Variants in THSD4 observed in about 807,000 individuals in gnomAD.
THSD4 encodes the protein thrombospondin type 1 domain containing 4.
In THSD4, 69 loss-of-function variants were observed where a neutral mutation model predicts 119.0. The observed-to-expected ratio is 0.58, with a 90% CI of 0.48 to 0.71. The LOEUF is 0.71. THSD4 is among the 30% of genes least tolerant of loss of function. The probability of loss-of-function intolerance (pLI) is 0.00; values close to 1 mark genes in which losing one functional copy is unlikely to be tolerated. For synonymous variants in THSD4, 524 were observed against 540.4 expected (o/e 0.97, Z 0.42); for missense variants, 1,393 against 1,391.1 (o/e 1.00, Z -0.02).
intron 3 of THSD4, chr15:71,187,627 G>T (rs1171036041): frequency 6.6e-6 from 1 of 152,636 alleles, no homozygotes; most frequent in African/African-American, 2.4e-5. Context: ...AGCTGACCAT[G>T]AGTAGATATT....
chr15:71,777,483 C>CA lies in THSD4; in HGVS notation c.*111dup. 6.9e-7 allele frequency: 1 copy of CA among 1,446,528 alleles called. No individual in the cohort carries two copies. The highest frequency in any genetic ancestry group is 9.2e-7 in the Non-Finnish European group (1 of 1,087,210). The allele number at this position is 1,446,528 out of a possible 1,614,324, so 89.6% of individuals were successfully genotyped here. A position where few individuals can be genotyped will look rare whatever the true frequency, so the allele number is the denominator to read the frequency against. On this transcript the variant is annotated 3_prime_UTR_variant, in exon 18 of 18. Coordinates refer to ENST00000261862, the MANE Select transcript of THSD4 (RefSeq NM_024817.3). ...ACGGGCCCCCTGGCCCAGGCGCTGC[C>CA]AACCAACTTAGTCACCACCCCTGCC...
intron 7 of THSD4, among the ~76,000 whole-genome samples, chr15:71,524,587 CTTTTTTTTTTTTTTTT>C (rs71438517): frequency 1.7e-5 from 1 of 59,506 alleles, no homozygotes; most frequent in Admixed American, 2.9e-4. Context: ...GTTTATGCCT[CTTTTTTTTTTTTTTTT>C]TTTTTTTTTT....
chr15:71,547,597 C>T (rs2048857042), intron 7 of THSD4: 11 of 1,167,946 alleles, frequency 9.4e-6, no homozygotes, highest in Non-Finnish European at 1.3e-5. Context: ...AAGAGTAATG[C>T]TTTATATTAC....
At chr15:71,180,344 A>G (rs1479520565) in intron 3 of THSD4, among the ~76,000 whole-genome samples, 1 of 152,184 alleles carries the variant, frequency 6.6e-6, no homozygotes, top group Non-Finnish European at 1.5e-5. Context: ...GGACTTGAAT[A>G]GACGTTTCTC....
chr15:71,597,293 G>T (rs551725247), intron 7 of THSD4, among the ~76,000 whole-genome samples: 1 of 152,094 alleles, frequency 6.6e-6, no homozygotes, highest in Admixed American at 6.6e-5. Flanking sequence ...ACTGACAATT[G>T]GACTCTTTAG....
At chr15:71,363,831 A>G (rs1267376452) in intron 6 of THSD4, among the ~76,000 whole-genome samples, 2 of 152,218 alleles carry the variant, frequency 1.3e-5, no homozygotes, top group Admixed American at 6.5e-5. Flanking sequence ...TACAGTTTAT[A>G]GAGTTGTAAA....
intron 6 of THSD4, among the ~76,000 whole-genome samples, chr15:71,350,141 T>TAAAAA (rs3086680): frequency 1.8e-5 from 2 of 111,172 alleles, no homozygotes; most frequent in African/African-American, 3.6e-5. Flanking sequence ...TGCAAATTAC[T>TAAAAA]AAAAAAAAAA....
intron 7 of THSD4, among the ~76,000 whole-genome samples, chr15:71,552,583 C>T (rs1157376999): frequency 6.6e-6 from 1 of 152,232 alleles, no homozygotes; most frequent in Non-Finnish European, 1.5e-5. Flanking sequence ...ATGCAAGACC[C>T]AAGTTTGAGC....
At chr15:71,126,260 A>G (rs751846080) in intron 1 of THSD4, among the ~76,000 whole-genome samples, 14 of 152,172 alleles carry the variant, frequency 9.2e-5, no homozygotes, top group Non-Finnish European at 1.2e-4. Flanking sequence ...CTGTGGTACC[A>G]GCACAGGCCA....
chr15:71,565,237 G>A (rs1401590752), intron 7 of THSD4, among the ~76,000 whole-genome samples: 1 of 152,216 alleles, frequency 6.6e-6, no homozygotes, highest in Admixed American at 6.5e-5. Flanking sequence ...CCCTAGAATG[G>A]CAGGATGCTC....
At chr15:71,532,324 G>GTGTGTT (rs2048625718) in intron 7 of THSD4, among the ~76,000 whole-genome samples, 1 of 149,694 alleles carries the variant, frequency 6.7e-6, no homozygotes, top group Admixed American at 6.7e-5. Context: ...GTGTGTGTGT[G>GTGTGTT]TGTGTGTGAT....
At chr15:71,349,977 A>G (rs1323963225) in intron 6 of THSD4, among the ~76,000 whole-genome samples, 2 of 152,178 alleles carry the variant, frequency 1.3e-5, no homozygotes, top group Non-Finnish European at 2.9e-5. Flanking sequence ...AACGTAATGC[A>G]AATCGGTTTA....
intron 7 of THSD4, among the ~76,000 whole-genome samples, chr15:71,620,436 A>T (rs1044103737): frequency 3.9e-5 from 6 of 151,990 alleles, no homozygotes; most frequent in African/African-American, 9.7e-5. Context: ...TTACAAAAAA[A>T]AATAATAATA....
At position 71,746,998 on chromosome 15, in the gene THSD4, C is replaced by G; in HGVS notation, c.2197C>G (p.Leu733Val). The change falls in exon 13 of 18, where the codon CTC (leucine) becomes GTC (valine). Residue 733 changes from leucine to valine, a missense_variant. Leu to Val is a conservative substitution (Grantham distance 32, BLOSUM62 1). Transcript: ENST00000261862. ...EKPETTSTCQ[L>V]KICSEWQIRT... ...ACCTGAGACCACCAGCACCTGCCAA[C>G]TCAAGATCTGCAGCGAGTGGCAGAT... 1.2e-6 allele frequency: 2 copies of G among 1,613,298 alleles called. No individual in the cohort carries two copies. The highest frequency in any genetic ancestry group is 1.7e-6 in the Non-Finnish European group (2 of 1,179,936).
intron 14 of THSD4, among the ~76,000 whole-genome samples, chr15:71,754,957 G>C (rs551480966): frequency 6.6e-6 from 1 of 152,204 alleles, no homozygotes; most frequent in African/African-American, 2.4e-5. Context: ...AAATATGGGG[G>C]AAATTGACAG....
intron 8 of THSD4, among the ~76,000 whole-genome samples, chr15:71,678,560 G>A (rs577581914): frequency 2.0e-5 from 3 of 152,312 alleles, no homozygotes; most frequent in Admixed American, 1.3e-4. Context: ...GGCACATTGT[G>A]CTCTTCTTCT....
intron 6 of THSD4, among the ~76,000 whole-genome samples, chr15:71,311,431 C>G (rs1195860104): frequency 6.6e-6 from 1 of 152,174 alleles, no homozygotes; most frequent in Non-Finnish European, 1.5e-5. Context: ...ATCCGACATT[C>G]TCTGGCATGG....
At chr15:71,163,471 C>T (rs913160712) in intron 3 of THSD4, among the ~76,000 whole-genome samples, 2 of 151,992 alleles carry the variant, frequency 1.3e-5, no homozygotes, top group African/African-American at 4.8e-5. Flanking sequence ...TCGAAAACCA[C>T]AAAATTGCCA....
rs535158647 is a variant in THSD4, at chr15:71,526,811, G to A, written c.1152+114988G>A. Among the ~76,000 whole-genome samples the A allele has an allele frequency of 3.1e-3, 475 of 152,306 alleles. 3 individuals carry two copies. The highest frequency in any genetic ancestry group is 0.01 in the Middle Eastern group (3 of 294). ...TAAAATTTGTATTTGATTCAACCTA[G>A]AATAGATTCTCTTATAGTGTCTGTT... On this transcript the variant is annotated intron_variant, in intron 7 of 17. Transcript: ENST00000261862.
Sources: gnomAD v4.1 joint callset for allele counts (sites outside exome capture counted in the v4.1 genomes callset) on GRCh38, gnomAD v4.1.1 for gene constraint, MANE v1.5 for transcripts, NCBI Gene and HGNC (gene_info 2026-07-23, HGNC 2026-07-21) for gene names.